Variants in HOPX observed in about 807,000 individuals in gnomAD.
HOPX encodes HOP homeobox, also known as homeodomain-only protein.
In HOPX, 5 loss-of-function variants were observed where a neutral mutation model predicts 11.8. The observed-to-expected ratio is 0.43, with a 90% CI of 0.22 to 0.89. HOPX has a LOEUF of 0.89. Among genes scored for constraint, HOPX ranks in the 40% least tolerant of loss-of-function variants. The pLI, the probability that HOPX is intolerant of heterozygous loss-of-function variation, is 0.28. For missense variants in HOPX, 119 were observed against 120.0 expected, an observed-to-expected ratio of 0.99 and a Z score of 0.04; for synonymous variants, 49 against 49.7, an observed-to-expected ratio of 0.99 and a Z score of 0.06.
rs1356015952 is a variant in HOPX at position 56,655,848 on chromosome 4, G to C, written c.198+9C>G. The C allele has an allele frequency of 6.2e-7, 1 of 1,609,686 alleles. No homozygotes were observed. The highest frequency in any genetic ancestry group is 1.1e-5 in the South Asian group (1 of 90,086). On this transcript the variant is annotated intron_variant, in intron 3 of 3. Coordinates refer to ENST00000420433, the MANE Select transcript of HOPX (RefSeq NM_032495.6). Reference sequence around the variant, plus strand: ...GGTCGGGGCGCGCTGGGCGCGTGTGGGGACGCACCTGGGTCTCCTCCTCGG... The same window carrying C: ...GGTCGGGGCGCGCTGGGCGCGTGTGCGGACGCACCTGGGTCTCCTCCTCGG...
At chr4:56,658,731 A>G (rs1560366947) in intron 1 of HOPX, among the ~76,000 whole-genome samples, 1 of 152,244 alleles carries the variant, frequency 6.6e-6, no homozygotes, top group African/African-American at 2.4e-5. Flanking sequence ...AAACAATTTC[A>G]GATTAAAAGA....
At chr4:56,653,969 G>T (rs1317126776) in intron 3 of HOPX, among the ~76,000 whole-genome samples, 1 of 152,322 alleles carries the variant, frequency 6.6e-6, no homozygotes, top group East Asian at 1.9e-4. Flanking sequence ...AGCCTGGGAG[G>T]ACTGTTGCCT....
intron 1 of HOPX, 81 bp from the exon 2 acceptor site, chr4:56,657,980 A>G (rs1717872203): frequency 9.9e-6 from 13 of 1,313,958 alleles, no homozygotes; most frequent in Non-Finnish European, 1.3e-5. Context: ...AGACTGTCCT[A>G]GTAGGACACC....
At chr4:56,654,979 TAGAC>T (rs1011643766) in intron 3 of HOPX, among the ~76,000 whole-genome samples, 11 of 152,116 alleles carry the variant, frequency 7.2e-5, no homozygotes, top group Admixed American at 2.0e-4. Context: ...AGTCGGAGTT[TAGAC>T]AGGGTTTTAA....
intron 3 of HOPX, among the ~76,000 whole-genome samples, chr4:56,655,496 A>G (rs1438903144): frequency 6.6e-6 from 1 of 152,254 alleles, no homozygotes; most frequent in Non-Finnish European, 1.5e-5. Flanking sequence ...CGAGCCGGGA[A>G]GGCGAGACAG....
intron 1 of HOPX, chr4:56,665,522 A>T (rs1208991606): frequency 6.6e-6 from 1 of 152,326 alleles, no homozygotes; most frequent in East Asian, 1.9e-4. Flanking sequence ...GGAGAAAATA[A>T]CACTCTAGCC....
chr4:56,648,693 G>T lies in HOPX; in HGVS notation c.*27C>A, dbSNP rs1479877145. 1.3e-6 allele frequency: 2 copies of T among 1,538,592 alleles called. No individual in the cohort carries two copies. The highest frequency in any genetic ancestry group is 1.1e-5 in the South Asian group (1 of 87,582). On this transcript the variant is annotated 3_prime_UTR_variant, in exon 4 of 4. Transcript: ENST00000420433. ...GAGAAACAGAGATGGCCTTCATGGAGTGAAGCTGTCAATGCCTGCCATCTC... is the reference window on the plus strand; with the variant it reads ...GAGAAACAGAGATGGCCTTCATGGATTGAAGCTGTCAATGCCTGCCATCTC...
chr4:56,659,927 A>G (rs1718008568), intron 1 of HOPX, among the ~76,000 whole-genome samples: 1 of 152,248 alleles, frequency 6.6e-6, no homozygotes, highest in Non-Finnish European at 1.5e-5. Context: ...TCTTTTGTAT[A>G]TGTGGTCAGA....
intron 2 of HOPX, chr4:56,656,232 G>T: frequency 8.6e-7 from 1 of 1,158,328 alleles, no homozygotes; most frequent in Non-Finnish European, 1.1e-6. Flanking sequence ...GTTGCGGGCT[G>T]ACGGCAGAGC....
chr4:56,662,297 A>G (rs1718177534), intron 1 of HOPX, among the ~76,000 whole-genome samples: 1 of 152,224 alleles, frequency 6.6e-6, no homozygotes, highest in African/African-American at 2.4e-5. Context: ...TCTCTTAGAA[A>G]TCAGAATGGA....
chr4:56,657,848 T>C lies in HOPX; in HGVS notation c.-32A>G. 6.5e-7 allele frequency: 1 copy of C among 1,549,486 alleles called. No homozygotes were observed. Among genetic ancestry groups the C allele is most frequent in the South Asian group, 1.2e-5 (1 of 84,006 alleles). On this transcript the variant is annotated 5_prime_UTR_variant, in exon 2 of 4. Transcript: ENST00000420433. ...ACTAACTTTCTGAATGTTGCCCAGC[T>C]GGTGACCTGTGCTCCGCTAGACCCT...
chr4:56,680,033 A>G (rs73818222), intron 1 of HOPX: 3 of 152,134 alleles, frequency 2.0e-5, no homozygotes, highest in Non-Finnish European at 4.4e-5. Flanking sequence ...ACCAAGCTTC[A>G]GTTTGGTGGC....
At chr4:56,651,877 T>A (rs866040499) in intron 3 of HOPX, among the ~76,000 whole-genome samples, 1,621 of 108,266 alleles carry the variant, frequency 0.015, 21 homozygotes, top group African/African-American at 0.048. Context: ...AGAGAGAGTG[T>A]GTGTGTGTGT....
chr4:56,650,353 G>A (rs966059556), intron 3 of HOPX: 2 of 201,030 alleles, frequency 9.9e-6, no homozygotes, highest in Admixed American at 5.4e-5. Context: ...ATGGGATGGT[G>A]AGAAACCTCT....
intron 1 of HOPX, among the ~76,000 whole-genome samples, chr4:56,673,345 G>T (rs925259400): frequency 1.3e-5 from 2 of 152,142 alleles, no homozygotes; most frequent in Admixed American, 1.3e-4. Context: ...AGGGGGTCTT[G>T]TGTATGCCAT....
intron 3 of HOPX, among the ~76,000 whole-genome samples, chr4:56,652,554 T>A (rs1308345711): frequency 6.6e-6 from 1 of 151,898 alleles, no homozygotes; most frequent in Admixed American, 6.6e-5. Context: ...ATGCTTGTAA[T>A]CCCAGCACTT....
chr4:56,677,486 CA>C (rs1719076959), intron 1 of HOPX, among the ~76,000 whole-genome samples: 1 of 151,628 alleles, frequency 6.6e-6, no homozygotes, highest in Admixed American at 6.6e-5. Context: ...CTTACTATAC[CA>C]GGGAGTGACA....
chr4:56,658,480 C>T (rs1211907758), intron 1 of HOPX, among the ~76,000 whole-genome samples: 2 of 152,164 alleles, frequency 1.3e-5, no homozygotes, highest in East Asian at 3.8e-4. Flanking sequence ...CAAGGTACAC[C>T]AAGCAAACCT....
chr4:56,651,088 T>C, intron 3 of HOPX: 1 of 281,876 alleles, frequency 3.5e-6, no homozygotes, highest in Non-Finnish European at 6.6e-6. Context: ...GAGGAAAATC[T>C]CACTTTCTAT....
Sources: allele counts gnomAD v4.1 joint callset (sites outside exome capture counted in the v4.1 genomes callset), GRCh38; gene constraint gnomAD v4.1.1; transcripts MANE v1.5; gene names NCBI Gene and HGNC (gene_info 2026-07-23, HGNC 2026-07-21).